The following CSMD2 variants were observed in gnomAD, a reference collection of about 807,000 sequenced individuals.
CSMD2 encodes CUB and Sushi multiple domains 2.
CSMD2 carries 130 observed loss-of-function variants against 398.5 expected under a neutral mutation model. The observed-to-expected ratio is 0.33, with a 90% CI of 0.28 to 0.38. CSMD2 has a LOEUF of 0.38. Ranked by LOEUF, CSMD2 falls within the 10% of genes least tolerant of loss-of-function variation. The pLI, the probability that CSMD2 is intolerant of heterozygous loss-of-function variation, is 1.00. For missense variants in CSMD2, 3,829 were observed against 4,764.9 expected, an observed-to-expected ratio of 0.80 and a Z score of 5.78; for synonymous variants, 1,828 against 1,908.5, an observed-to-expected ratio of 0.96 and a Z score of 1.10.
intron 3 of CSMD2, among the ~76,000 whole-genome samples, chr1:34,031,622 G>T (rs372417509): frequency 6.6e-6 from 1 of 152,006 alleles, no homozygotes; most frequent in Admixed American, 6.5e-5. Flanking sequence ...ACCAGGGGTG[G>T]TTTTTTGCTA....
At chr1:34,038,031 T>A (rs1014396947) in intron 2 of CSMD2, among the ~76,000 whole-genome samples, 1 of 152,176 alleles carries the variant, frequency 6.6e-6, no homozygotes, top group African/African-American at 2.4e-5. Flanking sequence ...CAGGGAGGAT[T>A]CCTCAAAGGC....
chr1:33,674,368 T>C (rs1347846706), intron 25 of CSMD2, among the ~76,000 whole-genome samples: 1 of 152,092 alleles, frequency 6.6e-6, no homozygotes, highest in Non-Finnish European at 1.5e-5. Context: ...AGAAGGCCAT[T>C]ACATAATGGT....
At chr1:33,783,192 A>G (rs1653010261) in intron 12 of CSMD2, among the ~76,000 whole-genome samples, 1 of 152,136 alleles carries the variant, frequency 6.6e-6, no homozygotes, top group African/African-American at 2.4e-5. Context: ...ACACAGGTGC[A>G]GGTCACAGGT....
chr1:33,846,714 G>C (rs753291200), intron 6 of CSMD2, among the ~76,000 whole-genome samples, 170 bp downstream of exon 6: 1 of 152,164 alleles, frequency 6.6e-6, no homozygotes, highest in Non-Finnish European at 1.5e-5. Context: ...AAAAGACAAG[G>C]GCAGATGCAG....
At chr1:33,645,446 T>C (rs1643374510) in intron 29 of CSMD2, among the ~76,000 whole-genome samples, 1 of 151,698 alleles carries the variant, frequency 6.6e-6, no homozygotes, top group Non-Finnish European at 1.5e-5. Flanking sequence ...TCCTGCAACA[T>C]AATTATTACT....
intron 3 of CSMD2, among the ~76,000 whole-genome samples, chr1:33,994,012 G>A (rs1035768796): frequency 6.6e-6 from 1 of 152,144 alleles, no homozygotes; most frequent in African/African-American, 2.4e-5. Flanking sequence ...GTCACGTTCT[G>A]TTAAGAAGGC....
At chr1:33,653,409 G>T (rs924258194) in intron 27 of CSMD2, among the ~76,000 whole-genome samples, 8 of 152,240 alleles carry the variant, frequency 5.3e-5, no homozygotes, top group African/African-American at 7.2e-5. Flanking sequence ...GCCAAGCGCA[G>T]CTGGTCTCCT....
At chr1:34,063,777 A>T (rs1654794894) in intron 2 of CSMD2, among the ~76,000 whole-genome samples, 3 of 152,300 alleles carry the variant, frequency 2.0e-5, no homozygotes, top group African/African-American at 4.8e-5. Context: ...GGGTGCTCCG[A>T]TCCCACATTT....
chr1:33,801,434 A>G (rs1055851628), intron 10 of CSMD2, among the ~76,000 whole-genome samples: 4 of 152,142 alleles, frequency 2.6e-5, no homozygotes, highest in Non-Finnish European at 4.4e-5. Flanking sequence ...GGGACCTAAC[A>G]AGAGGAGGCC....
At chr1:33,524,771 G>A in intron 66 of CSMD2, 111 bp downstream of exon 66, 4 of 1,091,536 alleles carry the variant, frequency 3.7e-6, no homozygotes, top group Non-Finnish European at 3.9e-6. Flanking sequence ...CTGACCACCA[G>A]ACAAGTCTGA....
At chr1:33,848,574 G>A (rs920555438) in intron 5 of CSMD2, among the ~76,000 whole-genome samples, 2 of 152,280 alleles carry the variant, frequency 1.3e-5, no homozygotes, top group African/African-American at 4.8e-5. Flanking sequence ...AGCATAGTGG[G>A]TCTTCATAAA....
intron 3 of CSMD2, among the ~76,000 whole-genome samples, chr1:34,014,989 TG>T (rs1426278702): frequency 6.6e-6 from 1 of 152,206 alleles, no homozygotes; most frequent in African/African-American, 2.4e-5. Flanking sequence ...AAAGAAAATA[TG>T]TATTCTCCCT....
chr1:33,957,014 C>T (rs1194218908), intron 3 of CSMD2, among the ~76,000 whole-genome samples: 1 of 152,008 alleles, frequency 6.6e-6, no homozygotes, highest in Non-Finnish European at 1.5e-5. Flanking sequence ...CTCAGGCTTA[C>T]CAAGTTCCTA....
intron 5 of CSMD2, among the ~76,000 whole-genome samples, chr1:33,878,647 G>C (rs1045656273): frequency 6.6e-6 from 1 of 152,220 alleles, no homozygotes; most frequent in East Asian, 1.9e-4. Context: ...TTGATGGCTG[G>C]CCAAACTCTC....
At chr1:33,756,175 C>T (rs146217407) in intron 13 of CSMD2, among the ~76,000 whole-genome samples, 1 of 152,192 alleles carries the variant, frequency 6.6e-6, no homozygotes, top group East Asian at 1.9e-4. Context: ...CATCTTCTCA[C>T]TTGCTTGTCC....
intron 32 of CSMD2, among the ~76,000 whole-genome samples, chr1:33,631,250 A>G (rs559020829): frequency 6.6e-6 from 1 of 152,306 alleles, no homozygotes; most frequent in Admixed American, 6.5e-5. Flanking sequence ...ACCATAGTAC[A>G]TTATATACAT....
intron 5 of CSMD2, among the ~76,000 whole-genome samples, chr1:33,857,670 C>G (rs1474883093): frequency 6.6e-6 from 1 of 152,134 alleles, no homozygotes; most frequent in Non-Finnish European, 1.5e-5. Context: ...TTAGAAAAAG[C>G]CCATCAGAGG....
intron 29 of CSMD2, among the ~76,000 whole-genome samples, chr1:33,637,235 G>A (rs1571036684): frequency 1.3e-5 from 2 of 152,192 alleles, no homozygotes; most frequent in Non-Finnish European, 2.9e-5. Flanking sequence ...CCTCTGGGTT[G>A]GGTTACCCGA....
chr1:33,783,765 C>A (rs1313474159), intron 12 of CSMD2, among the ~76,000 whole-genome samples: 2 of 152,088 alleles, frequency 1.3e-5, no homozygotes, highest in African/African-American at 4.8e-5. Context: ...TCTGTGCCCC[C>A]CAAAAAGACG....
Sources: allele counts gnomAD v4.1 joint callset (sites outside exome capture counted in the v4.1 genomes callset), GRCh38; gene constraint gnomAD v4.1.1; transcripts MANE v1.5; gene names NCBI Gene and HGNC (gene_info 2026-07-23, HGNC 2026-07-21).